PRKAB2: variants seen among roughly 807,000 people sequenced by gnomAD.
The protein encoded by PRKAB2 is 5'-AMP-activated protein kinase subunit beta-2.
Under a neutral mutation model 29.8 loss-of-function variants are expected in PRKAB2, and 18 were observed. The observed-to-expected ratio is 0.60, with a 90% CI of 0.42 to 0.89. PRKAB2 has a LOEUF of 0.89. Among genes scored for constraint, PRKAB2 ranks in the 40% least tolerant of loss-of-function variants. The pLI is 0.00. For synonymous variants in PRKAB2, 136 were observed against 125.9 expected, an observed-to-expected ratio of 1.08 and a Z score of -0.54; for missense variants, 270 against 344.3, an observed-to-expected ratio of 0.78 and a Z score of 1.71.
At chr1:147,165,145 C>G (rs1437556492) in intron 5 of PRKAB2, among the ~76,000 whole-genome samples, 1 of 152,190 alleles carries the variant, frequency 6.6e-6, no homozygotes, top group African/African-American at 2.4e-5. Context: ...CCTGCCTCAG[C>G]CTCCCGAGTA....
At position 147,172,059 on chromosome 1, in the gene PRKAB2, G is replaced by A. The variant is rs782351168; in HGVS notation, c.86C>T (p.Pro29Leu). The A allele has an allele frequency of 1.0e-4, 162 of 1,581,720 alleles. No individual in the cohort carries two copies. The highest frequency in any genetic ancestry group is 1.4e-4 in the Non-Finnish European group (159 of 1,164,774). ...ARSEGAGGHA[P>L]GKEHKIMVGS... is the part of the protein sequence containing the mutation. Reference sequence around the variant, plus strand: ...CACCATGATCTTGTGCTCCTTCCCCGGGGCATGGCCGCCTGCGCCCTCGGA... The same window carrying A: ...CACCATGATCTTGTGCTCCTTCCCCAGGGCATGGCCGCCTGCGCCCTCGGA... The change falls in exon 2 of 8, where the codon CCG becomes CTG. Residue 29 changes from proline (P) to leucine (L), a missense_variant. By Grantham distance (98) the Pro-to-Leu change is moderately conservative. Around this residue, in one of 2 missense-constraint regions of PRKAB2, gnomAD observed 228 missense variants for 255.5 expected, o/e 0.89. Transcript: ENST00000254101.
intron 2 of PRKAB2, among the ~76,000 whole-genome samples, chr1:147,169,811 A>G (rs782598720): frequency 6.6e-6 from 1 of 152,172 alleles, no homozygotes; most frequent in Non-Finnish European, 1.5e-5. Context: ...TCCAAAAACT[A>G]TTTAAAGAAA....
In PRKAB2 at chr1:147,157,069, C is replaced by T. The variant is rs1468119211; in HGVS notation, c.*2496G>A. 2 of 152,040 alleles carry T rather than the reference C, an allele frequency of 1.3e-5. No homozygotes were observed. Among genetic ancestry groups the T allele is most frequent in the East Asian group, 3.8e-4 (2 of 5,196 alleles). The allele number at this position is 152,040 out of a possible 1,614,324, so 9.4% of individuals were successfully genotyped here. A position where few individuals can be genotyped will look rare whatever the true frequency, so the allele number is the denominator to read the frequency against. ...AAAATTCCCAAAAGCAAAATAAAGG[C>T]TAAAAAAATTTTTTTTGCCTTTACT... On this transcript the variant is annotated 3_prime_UTR_variant, in exon 8 of 8. Transcript: ENST00000254101.
rs1159051122 is a variant in PRKAB2 at position 147,156,206 on chromosome 1, CA to C, written c.*3358del. ...GTGAGAATGTAGAAATCTCTGAGAA[CA>C]CAATGTATTTCAAACACACACAGAG... On this transcript the variant is annotated 3_prime_UTR_variant, in exon 8 of 8. Coordinates refer to ENST00000254101, the MANE Select transcript of PRKAB2 (RefSeq NM_005399.5). 1.3e-5 allele frequency: 2 copies of C among 152,046 alleles called. No individual in the cohort carries two copies. Among genetic ancestry groups the C allele is most frequent in the Admixed American group, 6.6e-5 (1 of 15,238 alleles). 9.4% of individuals were successfully genotyped at this position (152,046 alleles called of 1,614,324 possible).
At chr1:147,170,607 T>TTTTTA in intron 2 of PRKAB2, among the ~76,000 whole-genome samples, 1 of 152,134 alleles carries the variant, frequency 6.6e-6, no homozygotes. Context: ...TTTTTTGTTT[T>TTTTTA]GAGAGTCTGT....
chr1:147,162,203 T>C (rs1571055543), intron 6 of PRKAB2, among the ~76,000 whole-genome samples: 6 of 152,320 alleles, frequency 3.9e-5, no homozygotes, highest in Admixed American at 3.9e-4. Flanking sequence ...TCAAAAGAAG[T>C]CCATAGCTCT....
intron 6 of PRKAB2, 144 bp downstream of exon 6, chr1:147,162,296 A>G: frequency 1.2e-6 from 1 of 800,456 alleles, no homozygotes; most frequent in Non-Finnish European, 1.8e-6. Flanking sequence ...CACTGGAAAA[A>G]GGAAATCTGT....
intron 2 of PRKAB2, among the ~76,000 whole-genome samples, chr1:147,170,285 C>G (rs1316643005): frequency 3.3e-5 from 5 of 152,084 alleles, no homozygotes; most frequent in Admixed American, 3.3e-4. Context: ...AATGCCAAGA[C>G]TGAGGTGAGA....
At chr1:147,162,874 T>A (rs1360478642) in intron 5 of PRKAB2, among the ~76,000 whole-genome samples, 1 of 152,130 alleles carries the variant, frequency 6.6e-6, no homozygotes, top group Non-Finnish European at 1.5e-5. Flanking sequence ...CTTGGAAGAA[T>A]CCCTCCACAA....
At chr1:147,161,258 C>G (rs782260302) in intron 7 of PRKAB2, among the ~76,000 whole-genome samples, 2 of 152,084 alleles carry the variant, frequency 1.3e-5, no homozygotes, top group Non-Finnish European at 2.9e-5. Context: ...CACATCTCTC[C>G]TTTAACTAGT....
intron 2 of PRKAB2, among the ~76,000 whole-genome samples, chr1:147,170,239 ATC>A (rs1553914169): frequency 6.6e-6 from 1 of 152,216 alleles, no homozygotes; most frequent in Non-Finnish European, 1.5e-5. Flanking sequence ...TTTTCAGACA[ATC>A]TGAAAATTAT....
intron 2 of PRKAB2, 104 bp from the exon 3 acceptor site, chr1:147,168,037 G>T: frequency 2.4e-6 from 3 of 1,245,662 alleles, no homozygotes; most frequent in Non-Finnish European, 2.2e-6. Flanking sequence ...CTTTGGCTAA[G>T]GATATAAACC....
At chr1:147,165,387 T>G (rs1654190210) in intron 5 of PRKAB2, among the ~76,000 whole-genome samples, 1 of 152,172 alleles carries the variant, frequency 6.6e-6, no homozygotes, top group Non-Finnish European at 1.5e-5. Context: ...TATGTTCCAC[T>G]TAAGGTATTG....
intron 7 of PRKAB2, among the ~76,000 whole-genome samples, chr1:147,160,345 TCACCTG>T (rs1393822297): frequency 1.3e-5 from 2 of 152,088 alleles, no homozygotes; most frequent in Non-Finnish European, 2.9e-5. Context: ...TCAAACACCT[TCACCTG>T]AGTCAGAACC....
chr1:147,165,780 ATTGTCAGGGGGCAGGGGGGTGG>A (rs1654214851), intron 5 of PRKAB2, among the ~76,000 whole-genome samples: 1 of 151,852 alleles, frequency 6.6e-6, no homozygotes, highest in Non-Finnish European at 1.5e-5. Context: ...CTACAACAGA[ATTGTCAGGGGGCAGGGGGGTGG>A]TTGTCTTGTT....
chr1:147,165,890 TG>T (rs1654220619), intron 5 of PRKAB2, among the ~76,000 whole-genome samples: 1 of 152,174 alleles, frequency 6.6e-6, no homozygotes, highest in South Asian at 2.1e-4. Context: ...CTCGACCTCC[TG>T]GGCTCAAGCA....
chr1:147,167,860 C>T lies in PRKAB2; in HGVS notation c.230G>A (p.Arg77Gln), dbSNP rs782427423. The T allele has an allele frequency of 1.7e-5, 28 of 1,613,976 alleles. No individual in the cohort carries two copies. The highest frequency in any genetic ancestry group is 4.5e-5 in the East Asian group (2 of 44,880). Residue 77 changes from arginine (R) to glutamine (Q), a missense_variant, in exon 3 of 8, where the codon CGG (arginine) becomes CAG (glutamine). By Grantham distance (43) the Arg-to-Gln change is conservative. This residue lies in a region of PRKAB2 where 228 missense variants were observed against 255.5 expected (regional missense o/e 0.89). Coordinates refer to ENST00000254101, the MANE Select transcript of PRKAB2 (RefSeq NM_005399.5). ...EDSVKPTQQA[R>Q]PTVIRWSEGG... Reference sequence around the variant, plus strand: ...TTCAGACCAGCGGATAACAGTGGGCCGGGCCTGCTGTGTGGGCTTTACGGA... The same window carrying T: ...TTCAGACCAGCGGATAACAGTGGGCTGGGCCTGCTGTGTGGGCTTTACGGA...
intron 2 of PRKAB2, 114 bp from the exon 3 acceptor site, chr1:147,168,047 C>A (rs2101628453): frequency 2.7e-6 from 3 of 1,121,462 alleles, no homozygotes; most frequent in Non-Finnish European, 3.7e-6. Flanking sequence ...GGATATAAAC[C>A]CCAAAATTAG....
intron 2 of PRKAB2, among the ~76,000 whole-genome samples, chr1:147,170,309 C>A (rs1160621941): frequency 6.6e-6 from 1 of 152,104 alleles, no homozygotes; most frequent in Non-Finnish European, 1.5e-5. Flanking sequence ...AAGAATAATA[C>A]AAAATAGGCC....
Sources: gnomAD v4.1 joint callset for allele counts (sites outside exome capture counted in the v4.1 genomes callset) on GRCh38, gnomAD v4.1.1 for gene constraint, gnomAD v4.1.1 regional missense constraint, MANE v1.5 for transcripts, NCBI Gene and HGNC (gene_info 2026-07-23, HGNC 2026-07-21) for gene names.